The following CCNY variants were observed in gnomAD, a reference collection of about 807,000 sequenced individuals.
CCNY encodes the protein cyclin-Y.
CCNY carries 19 observed loss-of-function variants against 42.8 expected under a neutral mutation model. The ratio of observed to expected loss-of-function variants is 0.44; its 90% confidence interval spans 0.31 to 0.65. The LOEUF is 0.65. Ranked by LOEUF, CCNY falls within the 30% of genes least tolerant of loss-of-function variation. The probability of loss-of-function intolerance (pLI) is 0.07; values close to 1 mark genes in which losing one functional copy is unlikely to be tolerated. For missense variants in CCNY, 370 were observed against 437.3 expected (o/e 0.85, Z 1.37); for synonymous variants, 165 against 162.7 (o/e 1.01, Z -0.11).
chr10:35,388,860 T>C (rs541599966), intron 1 of CCNY, among the ~76,000 whole-genome samples: 65 of 152,180 alleles, frequency 4.3e-4, no homozygotes, highest in Non-Finnish European at 8.7e-4. Context: ...TGTCTAGAGG[T>C]TGCCTGCGTT....
chr10:35,289,866 G>A, intron 3 of CCNY, among the ~76,000 whole-genome samples: 1 of 136,344 alleles, frequency 7.3e-6, no homozygotes, highest in Non-Finnish European at 1.5e-5. Context: ...GTGACAGAGT[G>A]AGACTCTGTC....
chr10:35,247,875 C>CAAAAAAAAAAAAAAA (rs56166117), intron 1 of CCNY, among the ~76,000 whole-genome samples: 1 of 58,170 alleles, frequency 1.7e-5, no homozygotes, highest in Non-Finnish European at 3.8e-5. Context: ...GACTCCATCT[C>CAAAAAAAAAAAAAAA]AAAAAAAAAA....
intron 1 of CCNY, among the ~76,000 whole-genome samples, chr10:35,415,714 C>T (rs1159950562): frequency 1.3e-5 from 2 of 152,160 alleles, no homozygotes; most frequent in African/African-American, 4.8e-5. Context: ...CTGTTGCATC[C>T]TGAGAAGCCT....
rs144063888 is a variant in CCNY at position 35,280,154 on chromosome 10, T to C, written c.-9+29528T>C. Among the ~76,000 whole-genome samples, 56 of 152,062 alleles carry C rather than the reference T, an allele frequency of 3.7e-4. 2 individuals carry two copies. In the East Asian group the frequency reaches 0.01, roughly 28 times the overall value. On this transcript the variant is annotated intron_variant, in intron 3 of 11. Transcript: ENST00000374706. ...CCAGCTTGGGCTACATGATGAAACC[T>C]TGTCTCTACAAAAAATACAAAAATT...
At chr10:35,431,115 CAA>C (rs112378512) in intron 1 of CCNY, among the ~76,000 whole-genome samples, 13 of 107,658 alleles carry the variant, frequency 1.2e-4, no homozygotes, top group African/African-American at 1.0e-4. Context: ...GACTCCATCT[CAA>C]AAAAAAAAAA....
At chr10:35,556,733 TG>T (rs1261176438) in intron 8 of CCNY, among the ~76,000 whole-genome samples, 1 of 152,182 alleles carries the variant, frequency 6.6e-6, no homozygotes. Context: ...GGCACGGTTG[TG>T]TCTCCATTCC....
At chr10:35,434,134 G>A (rs1306189932) in intron 1 of CCNY, 1 of 152,232 alleles carries the variant, frequency 6.6e-6, no homozygotes, top group Non-Finnish European at 1.5e-5. Flanking sequence ...CCAGTGACAT[G>A]TAGCATGAAG....
intron 1 of CCNY, among the ~76,000 whole-genome samples, chr10:35,452,788 A>G (rs983294657): frequency 6.6e-6 from 1 of 151,658 alleles, no homozygotes; most frequent in Non-Finnish European, 1.5e-5. Context: ...AAAAAAAAAA[A>G]AAATGGAAAA....
rs573517331 is a variant in CCNY, at chr10:35,373,697, T to G, written c.154+36490T>G. Among the ~76,000 whole-genome samples the G allele has an allele frequency of 3.8e-4, 58 of 152,316 alleles. No homozygotes were observed. In the East Asian group the frequency reaches 9.8e-3, roughly 26 times the overall value. ...GAATAGTAAATCTATTTTCCCTTCC[T>G]TATGATTTTTCTTAATAGCAGTTTC... On this transcript the variant is annotated intron_variant, in intron 1 of 9. Coordinates refer to ENST00000374704, the MANE Select transcript of CCNY (RefSeq NM_145012.6).
At chr10:35,333,919 G>T (rs1238579554), upstream of CCNY, among the ~76,000 whole-genome samples, 1 of 152,010 alleles carries the variant, frequency 6.6e-6, no homozygotes, top group East Asian at 1.9e-4. Flanking sequence ...TCACTAGCGA[G>T]GCTTTAGTAC....
intron 3 of CCNY, among the ~76,000 whole-genome samples, chr10:35,307,036 C>T (rs1422691029): frequency 6.6e-6 from 1 of 152,212 alleles, no homozygotes; most frequent in Non-Finnish European, 1.5e-5. Context: ...TACACGGCAA[C>T]ATACCTTGCT....
At chr10:35,493,238 C>T (rs988859494) in intron 2 of CCNY, among the ~76,000 whole-genome samples, 1 of 152,128 alleles carries the variant, frequency 6.6e-6, no homozygotes, top group African/African-American at 2.4e-5. Context: ...TGCGCTGTTC[C>T]CAGTCAGAAC....
At chr10:35,411,270 T>A (rs1052806408) in intron 1 of CCNY, among the ~76,000 whole-genome samples, 10 of 152,084 alleles carry the variant, frequency 6.6e-5, no homozygotes, top group Non-Finnish European at 1.0e-4. Context: ...CCCAGCACTT[T>A]GGGAGGCCGA....
chr10:35,483,604 C>T lies in CCNY; in HGVS notation c.229+126C>T, dbSNP rs945843436. Reference sequence around the variant, plus strand: ...GTCCCTTTAGTGACCCACACATATACTGTTTAATGGTAGTTCTCTTGGGAT... The same window carrying T: ...GTCCCTTTAGTGACCCACACATATATTGTTTAATGGTAGTTCTCTTGGGAT... On this transcript the variant is annotated intron_variant, in intron 2 of 9. Transcript: ENST00000374704. 10 of 608,114 alleles carry T rather than the reference C, an allele frequency of 1.6e-5. No homozygotes were observed. The East Asian group carries it at 2.7e-4, about 16-fold the overall frequency. The allele number at this position is 608,114 out of a possible 1,614,324, so 37.7% of individuals were successfully genotyped here. A position where few individuals can be genotyped will look rare whatever the true frequency, so the allele number is the denominator to read the frequency against.
chr10:35,384,546 T>C (rs576937049), intron 1 of CCNY, among the ~76,000 whole-genome samples: 3 of 152,368 alleles, frequency 2.0e-5, no homozygotes, highest in Admixed American at 2.0e-4. Flanking sequence ...ATATTTCTCC[T>C]TTTGACATAT....
rs1564442530 is a variant in CCNY at position 35,516,630 on chromosome 10, A to ATATGGATTT, written c.365+8_365+16dup. On this transcript the variant is annotated splice_region_variant and intron_variant, in intron 4 of 9. Transcript: ENST00000374704. The stretch of plus-strand genomic sequence containing the variant: ...TCAAGTATACAATTAAATGGTGGGT[A>ATATGGATTT]TATGGATTTATTTCCTTCCTTCCTT... 1 of 758,376 alleles carries ATATGGATTT rather than the reference A, an allele frequency of 1.3e-6. No homozygotes were observed. Among genetic ancestry groups the ATATGGATTT allele is most frequent in the Non-Finnish European group, 2.1e-6 (1 of 468,436 alleles). The allele number at this position is 758,376 out of a possible 1,614,324, so 47.0% of individuals were successfully genotyped here. A position where few individuals can be genotyped will look rare whatever the true frequency, so the allele number is the denominator to read the frequency against.
chr10:35,524,398 T>C (rs958146813), intron 4 of CCNY, among the ~76,000 whole-genome samples: 3 of 152,192 alleles, frequency 2.0e-5, no homozygotes, highest in Admixed American at 2.0e-4. Flanking sequence ...AATGAAGAGC[T>C]CTGGAAAGAG....
intron 1 of CCNY, among the ~76,000 whole-genome samples, chr10:35,346,021 T>C (rs1836294309): frequency 6.6e-6 from 1 of 152,172 alleles, no homozygotes; most frequent in African/African-American, 2.4e-5. Context: ...CATGCACCCT[T>C]AGGTGTAAGC....
chr10:35,260,383 G>T (rs903832626), intron 3 of CCNY, among the ~76,000 whole-genome samples: 10 of 152,044 alleles, frequency 6.6e-5, no homozygotes, highest in African/African-American at 2.4e-4. Flanking sequence ...CCTGCCAGGG[G>T]CCGACTGGGC....
Sources: gnomAD v4.1 joint callset for allele counts (sites outside exome capture counted in the v4.1 genomes callset) on GRCh38, gnomAD v4.1.1 for gene constraint, MANE v1.5 for transcripts, NCBI Gene and HGNC (gene_info 2026-07-23, HGNC 2026-07-21) for gene names.